TEX48: variants seen among roughly 807,000 people sequenced by gnomAD.
TEX48 encodes testis-expressed protein 48.
Under a neutral mutation model 13.2 loss-of-function variants are expected in TEX48, and 10 were observed. The ratio of observed to expected loss-of-function variants is 0.75; its 90% CI spans 0.47 to 1.28. TEX48 has a LOEUF of 1.28. TEX48 is among the 50% of genes most tolerant of loss of function. The probability of loss-of-function intolerance (pLI) is 0.00; values close to 1 mark genes in which losing one functional copy is unlikely to be tolerated. For synonymous variants in TEX48, 45 were observed against 52.3 expected (o/e 0.86, Z 0.60); for missense variants, 116 against 139.4 (o/e 0.83, Z 0.84).
intron 1 of TEX48, among the ~76,000 whole-genome samples, chr9:114,674,006 A>T (rs989335771): frequency 6.6e-6 from 1 of 151,808 alleles, no homozygotes; most frequent in Non-Finnish European, 1.5e-5. Context: ...TGGTCTCCCT[A>T]TATAGCCCAG....
At chr9:114,668,030 G>T (rs1455094917) in intron 4 of TEX48, among the ~76,000 whole-genome samples, 176 bp downstream of exon 4, 2 of 152,026 alleles carry the variant, frequency 1.3e-5, no homozygotes, top group East Asian at 3.8e-4. Flanking sequence ...GTGGAGTCAG[G>T]TCTTAGCCTC....
chr9:114,668,913 T>C (rs1160013021), intron 3 of TEX48, among the ~76,000 whole-genome samples: 1 of 151,984 alleles, frequency 6.6e-6, no homozygotes, highest in Non-Finnish European at 1.5e-5. Flanking sequence ...CATAGCTCCC[T>C]GTAACCTCAA....
chr9:114,672,753 A>G (rs1460377901), intron 1 of TEX48, among the ~76,000 whole-genome samples: 1 of 152,214 alleles, frequency 6.6e-6, no homozygotes. Context: ...CTTCAGCTCA[A>G]AACTTCCAAG....
At chr9:114,672,545 G>A (rs1298101996) in intron 1 of TEX48, among the ~76,000 whole-genome samples, 7 of 152,024 alleles carry the variant, frequency 4.6e-5, no homozygotes, top group African/African-American at 1.2e-4. Context: ...AATTCACTTC[G>A]CTTTGTGAGT....
Position 114,666,563 on chromosome 9 carries a change from A to T in TEX48, c.*80T>A, listed in dbSNP as rs1827845020. 2 of 774,320 alleles carry T rather than the reference A, an allele frequency of 2.6e-6. No homozygotes were observed. Among genetic ancestry groups the T allele is most frequent in the Non-Finnish European group, 4.0e-6 (2 of 495,944 alleles). 48.0% of individuals were successfully genotyped at this position (774,320 alleles called of 1,614,324 possible). On this transcript the variant is annotated 3_prime_UTR_variant, in exon 5 of 5. Coordinates refer to ENST00000436752, the MANE Select transcript of TEX48 (RefSeq NM_001199233.2). The stretch of plus-strand genomic sequence containing the variant: ...TCTCCTCCTTCAGGGGAGTTTCCGA[A>T]TTAGTCTTCATGACTCCTGTCCACC...
intron 3 of TEX48, 66 bp downstream of exon 3, chr9:114,671,317 G>A (rs1364083053): frequency 6.6e-7 from 1 of 1,510,340 alleles, no homozygotes. Flanking sequence ...GGGTATCCCA[G>A]CAGGCAGAGA....
At position 114,671,718 on chromosome 9, in the gene TEX48, AC is replaced by A. The variant is rs1827951367; in HGVS notation, c.4+1del. 1.3e-6 allele frequency: 2 copies of A among 1,535,454 alleles called. No individual in the cohort carries two copies. Among genetic ancestry groups the A allele is most frequent in the Non-Finnish European group, 1.7e-6 (2 of 1,146,878 alleles). On this transcript the variant is annotated splice_donor_variant, in intron 2 of 4. Transcript: ENST00000436752. LOFTEE classifies it high-confidence loss of function. ...TTCCTATTCTGTACAAAGTTTTCTT[AC>A]CCATGGAAAGGAGTTGAAACTTCTA...
At chr9:114,667,119 G>A (rs577756311) in intron 4 of TEX48, among the ~76,000 whole-genome samples, 15 of 152,206 alleles carry the variant, frequency 9.9e-5, no homozygotes, top group Non-Finnish European at 1.3e-4. Context: ...GCAGAAGGAA[G>A]GAGTGGGCGA....
chr9:114,676,545 G>C (rs1301570938), intron 1 of TEX48, among the ~76,000 whole-genome samples: 1 of 151,684 alleles, frequency 6.6e-6, no homozygotes, highest in African/African-American at 2.4e-5. Context: ...GGTACTGTTA[G>C]GTGCTGGAGA....
intron 1 of TEX48, among the ~76,000 whole-genome samples, chr9:114,674,840 TTC>T: frequency 9.6e-6 from 1 of 104,194 alleles, no homozygotes; most frequent in Non-Finnish European, 2.0e-5. Context: ...GTCCAGCAAA[TTC>T]TTTTTTTTTT....
At chr9:114,670,354 C>T (rs1392951184) in intron 3 of TEX48, among the ~76,000 whole-genome samples, 1 of 152,152 alleles carries the variant, frequency 6.6e-6, no homozygotes. Context: ...TAAAGACCCT[C>T]ACATGTGGAT....
intron 1 of TEX48, among the ~76,000 whole-genome samples, chr9:114,677,441 A>G (rs1301093059): frequency 6.6e-6 from 1 of 152,338 alleles, no homozygotes; most frequent in East Asian, 1.9e-4. Flanking sequence ...TTTAGCAAAT[A>G]TCCTTGCCAT....
chr9:114,670,614 C>T (rs1827930230), intron 3 of TEX48, among the ~76,000 whole-genome samples: 1 of 152,048 alleles, frequency 6.6e-6, no homozygotes, highest in Admixed American at 6.6e-5. Flanking sequence ...TTCTCTGTCT[C>T]TCTCTCTTCC....
At chr9:114,671,145 T>C (rs1428094510) in intron 3 of TEX48, among the ~76,000 whole-genome samples, 2 of 152,234 alleles carry the variant, frequency 1.3e-5, no homozygotes, top group Non-Finnish European at 2.9e-5. Context: ...AATGCATTTC[T>C]AACAAGCTCC....
At chr9:114,676,861 C>T (rs1424481372) in intron 1 of TEX48, among the ~76,000 whole-genome samples, 1 of 152,098 alleles carries the variant, frequency 6.6e-6, no homozygotes, top group Non-Finnish European at 1.5e-5. Flanking sequence ...AGTGATCTGC[C>T]CATCTCGGCC....
intron 1 of TEX48, among the ~76,000 whole-genome samples, chr9:114,680,643 A>G (rs777813058): frequency 9.9e-5 from 15 of 152,102 alleles, no homozygotes; most frequent in Non-Finnish European, 2.1e-4. Flanking sequence ...GAAGATCTGG[A>G]CAATCTTGGA....
rs535814739 is a variant in TEX48 at position 114,671,396 on chromosome 9, C to T, written c.114G>A (p.Lys38=). The T allele has an allele frequency of 1.8e-4, 272 of 1,535,454 alleles. No homozygotes were observed. The highest frequency in any genetic ancestry group is 2.9e-4 in the Admixed American group (15 of 50,988). ...SKVPSQTQEH[K]PSTQNLLLQK... is the part of the protein sequence containing the mutation. ...TCTGATACCTACTTTGGGTCGATGGCTTGTGCTCCTGGGTTTGACTGGGAA... is the reference window on the plus strand; with the variant it reads ...TCTGATACCTACTTTGGGTCGATGGTTTGTGCTCCTGGGTTTGACTGGGAA... The change falls in exon 3 of 5, where the codon AAG becomes AAA. Residue 38 remains lysine (K), a synonymous_variant. Coordinates refer to ENST00000436752, the MANE Select transcript of TEX48 (RefSeq NM_001199233.2).
intron 1 of TEX48, among the ~76,000 whole-genome samples, chr9:114,675,032 C>G: frequency 6.6e-6 from 1 of 152,146 alleles, no homozygotes; most frequent in East Asian, 1.9e-4. Flanking sequence ...CTTCTTCCCA[C>G]TAAATTAGAA....
Position 114,666,696 on chromosome 9 carries a change from G to A in TEX48, c.310C>T (p.Arg104Cys), listed in dbSNP as rs190530784. 1.8e-5 allele frequency: 28 copies of A among 1,535,282 alleles called. No homozygotes were observed. In the East Asian group the frequency reaches 2.7e-4, roughly 15 times the overall value. ...AATGGCCAGTGCTCCTGGCAGTAGCGGTTTAAGTTTCTCTTGTAAAAATTT... is the reference window on the plus strand; with the variant it reads ...AATGGCCAGTGCTCCTGGCAGTAGCAGTTTAAGTTTCTCTTGTAAAAATTT... ...QRNFYKRNLN[R>C]YCQEHWPFQP... The change falls in exon 5 of 5, where the codon CGC becomes TGC. Residue 104 changes from arginine to cysteine, a missense_variant. By Grantham distance (180) the Arg-to-Cys change is radical (BLOSUM62 -3). Transcript: ENST00000436752.
Sources: allele counts gnomAD v4.1 joint callset (sites outside exome capture counted in the v4.1 genomes callset), GRCh38; gene constraint gnomAD v4.1.1; transcripts MANE v1.5; gene names NCBI Gene and HGNC (gene_info 2026-07-23, HGNC 2026-07-21).